GALNT1: variants seen among roughly 807,000 people sequenced by gnomAD.
GALNT1 encodes the protein polypeptide N-acetylgalactosaminyltransferase 1.
GALNT1 carries 17 observed loss-of-function variants against 65.7 expected under a neutral mutation model. That is an observed-to-expected ratio of 0.26 (90% CI 0.18 to 0.39). The LOEUF is 0.39. Among genes scored for constraint, GALNT1 ranks in the 10% least tolerant of loss-of-function variants. The probability of loss-of-function intolerance (pLI) is 1.00; values close to 1 mark genes in which losing one functional copy is unlikely to be tolerated. For synonymous variants in GALNT1, 210 were observed against 219.7 expected, an observed-to-expected ratio of 0.96 and a Z score of 0.39; for missense variants, 460 against 672.8, an observed-to-expected ratio of 0.68 and a Z score of 3.50.
chr18:35,605,145 C>G (rs1426352011), intron 1 of GALNT1, among the ~76,000 whole-genome samples: 2 of 152,078 alleles, frequency 1.3e-5, no homozygotes, highest in East Asian at 3.9e-4. Flanking sequence ...AGTCTAGTAG[C>G]CCCAAGATGT....
At chr18:35,670,410 T>C (rs1453830847) in intron 3 of GALNT1, among the ~76,000 whole-genome samples, 2 of 152,226 alleles carry the variant, frequency 1.3e-5, no homozygotes, top group Non-Finnish European at 2.9e-5. Flanking sequence ...AATAAAACAA[T>C]TTTAAATATT....
At chr18:35,655,681 A>G (rs1156685658) in intron 2 of GALNT1, among the ~76,000 whole-genome samples, 3 of 152,100 alleles carry the variant, frequency 2.0e-5, no homozygotes, top group Non-Finnish European at 4.4e-5. Flanking sequence ...CTTTAAGCAT[A>G]TAGCCACATT....
At chr18:35,665,860 TACCATTTAAAACCTTGGTTTTAAATAA>T (rs2047542698) in intron 3 of GALNT1, among the ~76,000 whole-genome samples, 1 of 152,206 alleles carries the variant, frequency 6.6e-6, no homozygotes, top group Admixed American at 6.5e-5. Flanking sequence ...GATAGGACGC[TACCATTTAAAACCTTGGTTTTAAATAA>T]ACCAAGGACA....
chr18:35,610,346 C>T (rs1403540963), intron 1 of GALNT1, among the ~76,000 whole-genome samples: 1 of 152,176 alleles, frequency 6.6e-6, no homozygotes, highest in East Asian at 1.9e-4. Context: ...AAAGTAGCCA[C>T]CCAGTCACTT....
At chr18:35,704,006 T>G (rs1166143855) in intron 11 of GALNT1, among the ~76,000 whole-genome samples, 1 of 152,206 alleles carries the variant, frequency 6.6e-6, no homozygotes. Context: ...TTTTAATTAA[T>G]AAAGTTCTCT....
chr18:35,666,137 T>A (rs898464611), intron 3 of GALNT1, among the ~76,000 whole-genome samples: 20 of 152,238 alleles, frequency 1.3e-4, no homozygotes, highest in Non-Finnish European at 1.6e-4. Context: ...GGGATTGAAA[T>A]ACATAGAAAA....
intron 9 of GALNT1, among the ~76,000 whole-genome samples, chr18:35,695,535 C>G (rs911563260): frequency 6.6e-6 from 1 of 152,166 alleles, no homozygotes; most frequent in African/African-American, 2.4e-5. Flanking sequence ...AAGTAGATCA[C>G]TGAAGGAAGC....
chr18:35,650,391 A>G (rs2047294912), intron 1 of GALNT1, among the ~76,000 whole-genome samples: 1 of 152,194 alleles, frequency 6.6e-6, no homozygotes. Flanking sequence ...ATCGTGGCGA[A>G]ATTAAAATTG....
At chr18:35,652,470 G>A (rs2047323679) in intron 1 of GALNT1, among the ~76,000 whole-genome samples, 1 of 151,982 alleles carries the variant, frequency 6.6e-6, no homozygotes, top group Non-Finnish European at 1.5e-5. Flanking sequence ...CGTCCCCTCT[G>A]CCAACCCCAG....
At chr18:35,603,800 C>T (rs2046611293) in intron 1 of GALNT1, among the ~76,000 whole-genome samples, 1 of 152,278 alleles carries the variant, frequency 6.6e-6, no homozygotes, top group East Asian at 1.9e-4. Flanking sequence ...TTATGTGAGC[C>T]AGTAAATTTC....
chr18:35,686,112 C>CTT (rs1253059542), intron 5 of GALNT1, among the ~76,000 whole-genome samples: 2 of 152,092 alleles, frequency 1.3e-5, no homozygotes, highest in Non-Finnish European at 2.9e-5. Flanking sequence ...ACAAGGAATA[C>CTT]TTAGAAAATA....
chr18:35,659,353 G>A (rs921769807), intron 2 of GALNT1, among the ~76,000 whole-genome samples: 4 of 152,128 alleles, frequency 2.6e-5, no homozygotes, highest in African/African-American at 9.7e-5. Flanking sequence ...CTGCTTCAAG[G>A]AATAGTGAGT....
At chr18:35,702,722 G>C in intron 9 of GALNT1, 175 bp from the exon 10 acceptor site, 1 of 395,450 alleles carries the variant, frequency 2.5e-6, no homozygotes, top group Non-Finnish European at 4.6e-6. Context: ...ATAAACAGTT[G>C]TAAGACCTTT....
At chr18:35,605,049 C>T (rs1598782121) in intron 1 of GALNT1, among the ~76,000 whole-genome samples, 1 of 152,092 alleles carries the variant, frequency 6.6e-6, no homozygotes, top group South Asian at 2.1e-4. Context: ...TGCAAAATAT[C>T]TGGTTAAATT....
At chr18:35,651,686 G>A (rs73946697) in intron 1 of GALNT1, among the ~76,000 whole-genome samples, 2,352 of 152,238 alleles carry the variant, frequency 0.015, 29 homozygotes, top group African/African-American at 0.027. Flanking sequence ...GACAGCGAAG[G>A]ACACACAAAA....
intron 7 of GALNT1, among the ~76,000 whole-genome samples, chr18:35,689,621 CATAAATTTCACATTTAAACAT>C (rs1260467337): frequency 8.1e-6 from 1 of 123,318 alleles, no homozygotes; most frequent in Non-Finnish European, 1.8e-5. Context: ...CTCTCAAAAA[CATAAATTTCACATTTAAACAT>C]AAATTTCACA....
intron 3 of GALNT1, among the ~76,000 whole-genome samples, chr18:35,676,800 C>T (rs753935744): frequency 5.9e-5 from 9 of 152,166 alleles, no homozygotes; most frequent in South Asian, 2.1e-4. Flanking sequence ...CTCTGATAGG[C>T]TGTTATCTAG....
chr18:35,605,387 A>C (rs2046633164), intron 1 of GALNT1, among the ~76,000 whole-genome samples: 1 of 151,816 alleles, frequency 6.6e-6, no homozygotes, highest in Non-Finnish European at 1.5e-5. Flanking sequence ...AATCTCAGCT[A>C]TTCAGGAGGC....
intron 1 of GALNT1, among the ~76,000 whole-genome samples, 168 bp downstream of exon 1, chr18:35,582,030 G>C (rs2046328220): frequency 6.6e-6 from 1 of 152,000 alleles, no homozygotes; most frequent in South Asian, 2.1e-4. Context: ...CTGGGACCCC[G>C]GTGCCGTTGG....
Sources: gnomAD v4.1 joint callset for allele counts (sites outside exome capture counted in the v4.1 genomes callset) on GRCh38, gnomAD v4.1.1 for gene constraint, MANE v1.5 for transcripts, NCBI Gene and HGNC (gene_info 2026-07-23, HGNC 2026-07-21) for gene names.